Variants in GALNT18 observed in about 807,000 individuals in gnomAD.
GALNT18 encodes the protein polypeptide N-acetylgalactosaminyltransferase 18.
A neutral mutation model predicts 69.5 loss-of-function variants in GALNT18; 44 were observed. The ratio of observed to expected loss-of-function variants is 0.63; its 90% CI spans 0.50 to 0.81. The LOEUF is 0.81. GALNT18 is among the 40% of genes least tolerant of loss of function. GALNT18 has a pLI of 0.00. For missense variants in GALNT18, 715 were observed against 810.0 expected (o/e 0.88, Z 1.42); for synonymous variants, 364 against 318.2 (o/e 1.14, Z -1.53).
chr11:11,273,210 A>G (rs1342352310), intron 10 of GALNT18, among the ~76,000 whole-genome samples: 1 of 151,630 alleles, frequency 6.6e-6, no homozygotes, highest in Non-Finnish European at 1.5e-5. Context: ...ATAGGATCAC[A>G]TCAAGTTAAA....
chr11:11,574,523 C>T (rs907056627), intron 1 of GALNT18, among the ~76,000 whole-genome samples: 4 of 152,244 alleles, frequency 2.6e-5, no homozygotes, highest in Non-Finnish European at 5.9e-5. Flanking sequence ...AAGCATCACA[C>T]CTGGCTTCTA....
At chr11:11,414,761 GT>G (rs1040262356) in intron 3 of GALNT18, among the ~76,000 whole-genome samples, 2 of 152,286 alleles carry the variant, frequency 1.3e-5, no homozygotes, top group Middle Eastern at 6.8e-3. Flanking sequence ...CTTGCACACG[GT>G]TAGTGATGGA....
intron 1 of GALNT18, among the ~76,000 whole-genome samples, chr11:11,484,646 AG>A (rs1393996439): frequency 2.0e-5 from 3 of 150,156 alleles, no homozygotes; most frequent in African/African-American, 7.3e-5. Context: ...TAAAGCCCCC[AG>A]GGGTCTCTCT....
At chr11:11,609,405 T>C (rs995434234) in intron 1 of GALNT18, among the ~76,000 whole-genome samples, 2 of 152,214 alleles carry the variant, frequency 1.3e-5, no homozygotes. Flanking sequence ...TCTCTTCCTC[T>C]AAGATACACA....
chr11:11,273,610 C>A (rs1375294135), intron 10 of GALNT18, among the ~76,000 whole-genome samples: 1 of 152,144 alleles, frequency 6.6e-6, no homozygotes, highest in South Asian at 2.1e-4. Context: ...AAAATTATTA[C>A]AGCTACTATG....
At chr11:11,297,159 C>G (rs145950762) in intron 9 of GALNT18, among the ~76,000 whole-genome samples, 1 of 152,078 alleles carries the variant, frequency 6.6e-6, no homozygotes, top group African/African-American at 2.4e-5. Context: ...TCCCACTCAA[C>G]ATCCTAAGTG....
chr11:11,338,732 T>C lies in GALNT18; in HGVS notation c.1278+2087A>G, dbSNP rs968200342. On this transcript the variant is annotated intron_variant, in intron 7 of 10. Transcript: ENST00000227756. This position sits in a 1 kb window ranked among gnomAD's most constrained non-coding sequence, Gnocchi z 5.3. ...AGATATTAATTAGGAAGGCAGCATA[T>C]GGGTGGGAGTCCAATGCAAGAGTAG... Among the ~76,000 whole-genome samples, 2 of 152,066 alleles carry C rather than the reference T, an allele frequency of 1.3e-5. No homozygotes were observed. Among genetic ancestry groups the C allele is most frequent in the Admixed American group, 6.5e-5 (1 of 15,270 alleles).
chr11:11,291,875 C>T (rs1345699863), intron 10 of GALNT18, among the ~76,000 whole-genome samples: 3 of 152,182 alleles, frequency 2.0e-5, no homozygotes, highest in South Asian at 4.1e-4. Context: ...ATTCTGCACA[C>T]CCAGACCACA....
chr11:11,279,848 G>A (rs911917239), intron 10 of GALNT18, among the ~76,000 whole-genome samples: 1 of 152,156 alleles, frequency 6.6e-6, no homozygotes, highest in Non-Finnish European at 1.5e-5. Context: ...AAACCATGGA[G>A]TTGAAAGTGT....
intron 6 of GALNT18, among the ~76,000 whole-genome samples, chr11:11,350,410 T>C (rs1850378334): frequency 1.3e-5 from 2 of 152,212 alleles, no homozygotes; most frequent in Non-Finnish European, 2.9e-5. Context: ...AAGAAGGGCT[T>C]ATTCGTGGTT....
chr11:11,346,117 C>A (rs1410475736), intron 6 of GALNT18, among the ~76,000 whole-genome samples: 35 of 152,214 alleles, frequency 2.3e-4, no homozygotes, highest in Admixed American at 2.3e-3. Flanking sequence ...TAAATTAGAT[C>A]CCCTCTGAAT....
In GALNT18 at chr11:11,332,910, TG is replaced by T; in HGVS notation, c.1279-80del. ...CCCAAACTCTACTTTGGCATGACCT[TG>T]TGCCCCCAACAAGATTCCTAGAGAC... On this transcript the variant is annotated intron_variant, in intron 7 of 10. Transcript: ENST00000227756. The surrounding 1 kb of genome is among the most constrained non-coding windows in gnomAD (Gnocchi z 4.3). 3 of 1,512,528 alleles carry T rather than the reference TG, an allele frequency of 2.0e-6. No individual in the cohort carries two copies. The highest frequency in any genetic ancestry group is 2.7e-6 in the Non-Finnish European group (3 of 1,103,924). 93.7% of individuals were successfully genotyped at this position (1,512,528 alleles called of 1,614,324 possible). A position where few individuals can be genotyped will look rare whatever the true frequency, so the allele number is the denominator to read the frequency against.
At chr11:11,310,593 C>T (rs1849655443) in intron 9 of GALNT18, among the ~76,000 whole-genome samples, 1 of 152,142 alleles carries the variant, frequency 6.6e-6, no homozygotes, top group African/African-American at 2.4e-5. Context: ...CCTCCACTCC[C>T]ATACGTGTTT....
intron 3 of GALNT18, among the ~76,000 whole-genome samples, chr11:11,409,454 A>G (rs1327484331): frequency 6.6e-6 from 1 of 152,172 alleles, no homozygotes; most frequent in Non-Finnish European, 1.5e-5. Context: ...ACCCGGCCAC[A>G]GTCCTGGGAC....
intron 1 of GALNT18, among the ~76,000 whole-genome samples, chr11:11,609,791 C>A (rs559923602): frequency 6.6e-6 from 1 of 152,294 alleles, no homozygotes; most frequent in East Asian, 1.9e-4. Context: ...CCATTTCATA[C>A]GTTTAACTCC....
At chr11:11,544,380 G>A (rs1565003973) in intron 1 of GALNT18, among the ~76,000 whole-genome samples, 1 of 152,172 alleles carries the variant, frequency 6.6e-6, no homozygotes, top group South Asian at 2.1e-4. Flanking sequence ...TGCTAGTTCT[G>A]TGCCAGTCAC....
chr11:11,326,282 G>A (rs575873117), intron 9 of GALNT18, among the ~76,000 whole-genome samples: 6 of 152,260 alleles, frequency 3.9e-5, no homozygotes, highest in African/African-American at 1.4e-4. Context: ...CTGAACTCGT[G>A]ATCCACCCAC....
At chr11:11,308,472 C>G (rs987525072) in intron 9 of GALNT18, among the ~76,000 whole-genome samples, 1 of 152,136 alleles carries the variant, frequency 6.6e-6, no homozygotes, top group African/African-American at 2.4e-5. Context: ...TTCTCTTGAG[C>G]CTTCTGAAGC....
At chr11:11,475,460 C>T (rs1856370859) in intron 1 of GALNT18, 3 of 152,142 alleles carry the variant, frequency 2.0e-5, no homozygotes, top group Non-Finnish European at 4.4e-5. Flanking sequence ...GAGCATGGCT[C>T]CTGACATCCT....
Sources: allele counts gnomAD v4.1 joint callset (sites outside exome capture counted in the v4.1 genomes callset), GRCh38; gene constraint gnomAD v4.1.1; non-coding constraint Gnocchi (gnomAD v3.1); transcripts MANE v1.5; gene names NCBI Gene and HGNC (gene_info 2026-07-23, HGNC 2026-07-21).